The following ABCA13 variants were observed in gnomAD, a reference collection of about 807,000 sequenced individuals.
ABCA13 encodes ATP binding cassette subfamily A member 13, also known as ATP-binding cassette sub-family A member 13.
ABCA13 carries 476 observed loss-of-function variants against 478.7 expected under a neutral mutation model. The observed-to-expected ratio is 0.99, with a 90% CI of 0.92 to 1.07. The LOEUF (loss-of-function observed/expected upper bound fraction) is 1.07, where lower values mean the gene tolerates loss of function less well. Ranked by LOEUF, ABCA13 falls within the 50% of genes least tolerant of loss-of-function variation. The probability of loss-of-function intolerance (pLI) is 0.00; values close to 1 mark genes in which losing one functional copy is unlikely to be tolerated. For synonymous variants in ABCA13, 2,252 were observed against 2,158.9 expected, an observed-to-expected ratio of 1.04 and a Z score of -1.20; for missense variants, 6,060 against 5,910.6, an observed-to-expected ratio of 1.03 and a Z score of -0.83.
intron 50 of ABCA13, 90 bp downstream of exon 50, chr7:48,508,139 T>G: frequency 2.6e-6 from 4 of 1,540,208 alleles, no homozygotes; most frequent in Non-Finnish European, 2.7e-6. Flanking sequence ...ATTGGGGCCC[T>G]GGCTGCCTTG....
Position 48,313,139 on chromosome 7 carries a change from C to G in ABCA13, c.9589C>G (p.Leu3197Val), listed in dbSNP as rs763268695. 6.2e-7 allele frequency: 1 copy of G among 1,613,124 alleles called. No homozygotes were observed. Among genetic ancestry groups the G allele is most frequent in the South Asian group, 1.1e-5 (1 of 90,828 alleles). ...LDIVSSLSAL[L>V]AKAQHVFEYL... is the part of the protein sequence containing the mutation. ...TATAGTTTCCAGCCTCAGCGCCTTGCTTGCCAAAGCCCAGCACGTCTTTGA... is the reference window on the plus strand; with the variant it reads ...TATAGTTTCCAGCCTCAGCGCCTTGGTTGCCAAAGCCCAGCACGTCTTTGA... The change falls in exon 25 of 62, where the codon CTT becomes GTT. Residue 3197 changes from leucine to valine, a missense_variant. Leu to Val is a conservative substitution (Grantham distance 32). This residue lies in a region of ABCA13 where 4,423 missense variants were observed against 4,309.1 expected (regional missense o/e 1.03). Transcript: ENST00000435803.
intron 58 of ABCA13, among the ~76,000 whole-genome samples, chr7:48,607,392 C>T (rs1322845891): frequency 6.8e-6 from 1 of 147,800 alleles, no homozygotes; most frequent in Non-Finnish European, 1.5e-5. Flanking sequence ...CAACCAGTCT[C>T]AATGAGATGA....
intron 55 of ABCA13, among the ~76,000 whole-genome samples, chr7:48,579,836 C>T (rs549201256): frequency 6.6e-6 from 1 of 152,258 alleles, no homozygotes; most frequent in East Asian, 1.9e-4. Context: ...AGAGTCTCTC[C>T]AGTTCAGAGT....
In ABCA13 at chr7:48,376,113, T is replaced by A. The variant is rs577499984; in HGVS notation, c.11204-328T>A. ...GGGTTCTCAAGGAGACTTTAAAAAA[T>A]TTTTTTGAATGCTTATTTTCCTTAA... On this transcript the variant is annotated intron_variant, in intron 34 of 61. Transcript: ENST00000435803. Among the ~76,000 whole-genome samples, 32 of 152,260 alleles carry A rather than the reference T, an allele frequency of 2.1e-4. No homozygotes were observed. In the East Asian group the frequency reaches 3.7e-3, roughly 17 times the overall value.
At position 48,552,039 on chromosome 7, in the gene ABCA13, T is replaced by C. The variant is rs1785374200; in HGVS notation, c.14354+23694T>C. ...ACCCATTAAACTCCTTGTCAAATCA[T>C]CAAGGCTTAGTAGTATTTTCATTTG... On this transcript the variant is annotated intron_variant, in intron 55 of 61. Coordinates refer to ENST00000435803, the MANE Select transcript of ABCA13 (RefSeq NM_152701.5). Among the ~76,000 whole-genome samples, 5 of 151,906 alleles carry C rather than the reference T, an allele frequency of 3.3e-5. No homozygotes were observed. In the South Asian group the frequency reaches 1.0e-3, roughly 31 times the overall value.
In ABCA13 at chr7:48,594,795, C is replaced by A. The variant is rs142771782; in HGVS notation, c.14726C>A (p.Ala4909Glu). Residue 4909 changes from alanine to glutamate, a missense_variant, in exon 58 of 62, where the codon GCG (alanine) becomes GAG (glutamate). Transcript: ENST00000435803. ...IMKEVREGCA[A>E]VLTSHSMEEC... ...AAGGAGGTTCGGGAAGGCTGTGCTG[C>A]GGTGCTGACCTCCCACAGGTGAGTT... 1 of 1,613,816 alleles carries A rather than the reference C, an allele frequency of 6.2e-7. No homozygotes were observed. The highest frequency in any genetic ancestry group is 1.7e-5 in the Admixed American group (1 of 60,012).
chr7:48,314,009 G>A (rs1045876702), intron 25 of ABCA13, among the ~76,000 whole-genome samples: 2 of 151,510 alleles, frequency 1.3e-5, no homozygotes, highest in African/African-American at 4.9e-5. Context: ...GTGTGTGTAG[G>A]TATGACATTT....
At position 48,272,045 on chromosome 7, in the gene ABCA13, C is replaced by CT; in HGVS notation, c.2381dup (p.Leu794PhefsTer36). The CT allele has an allele frequency of 6.2e-7, 1 of 1,613,714 alleles. No individual in the cohort carries two copies. The highest frequency in any genetic ancestry group is 8.5e-7 in the Non-Finnish European group (1 of 1,179,752). ...CATCTGCCACTGATGCTCAGAAACT[C>CT]TTGGAATTTGGCAACGAAGTGATTT... On this transcript the variant is annotated frameshift_variant, in exon 17 of 62. Transcript: ENST00000435803. LOFTEE classifies it high-confidence loss of function.
intron 58 of ABCA13, among the ~76,000 whole-genome samples, chr7:48,599,335 G>C (rs2131467981): frequency 6.7e-6 from 1 of 150,202 alleles, no homozygotes; most frequent in African/African-American, 2.4e-5. Context: ...TTTTAAATTT[G>C]TTATGACTTT....
At chr7:48,177,823 T>A (rs1032494136) in intron 1 of ABCA13, among the ~76,000 whole-genome samples, 3 of 152,208 alleles carry the variant, frequency 2.0e-5, no homozygotes, top group Non-Finnish European at 4.4e-5. Context: ...TTCCTACTTG[T>A]CATTAAATCG....
chr7:48,604,260 T>C (rs1791225519), intron 58 of ABCA13, among the ~76,000 whole-genome samples: 1 of 152,222 alleles, frequency 6.6e-6, no homozygotes, highest in African/African-American at 2.4e-5. Context: ...AGTTATTTAT[T>C]GTCTTCTGCT....
rs1213871528 is a variant in ABCA13, at chr7:48,272,605, G to A, written c.2939G>A (p.Ser980Asn). 6.2e-7 allele frequency: 1 copy of A among 1,613,194 alleles called. No homozygotes were observed. The highest frequency in any genetic ancestry group is 1.1e-5 in the South Asian group (1 of 91,034). ...RYIYELLNIQ[S>N]RGSSLTFLTQ... ...ATTTATGAATTATTGAATATTCAGA[G>A]TAGAGGCTCTTCGTTGACTTTCCTT... Residue 980 changes from serine to asparagine, a missense_variant, in exon 17 of 62, where the codon AGT becomes AAT. This residue lies in a region of ABCA13 where 4,423 missense variants were observed against 4,309.1 expected (regional missense o/e 1.03). Coordinates refer to ENST00000435803, the MANE Select transcript of ABCA13 (RefSeq NM_152701.5).
At chr7:48,319,906 G>A (rs1038454918) in intron 27 of ABCA13, among the ~76,000 whole-genome samples, 1 of 152,084 alleles carries the variant, frequency 6.6e-6, no homozygotes. Context: ...AATTACCCAC[G>A]GACCCTTAGT....
In ABCA13 at chr7:48,458,178, T is replaced by C. The variant is rs530695665; in HGVS notation, c.12815+2892T>C. Among the ~76,000 whole-genome samples the C allele has an allele frequency of 7.2e-5, 11 of 152,356 alleles. No homozygotes were observed. In the South Asian group the frequency reaches 2.3e-3, roughly 32 times the overall value. On this transcript the variant is annotated intron_variant, in intron 43 of 61. Coordinates refer to ENST00000435803, the MANE Select transcript of ABCA13 (RefSeq NM_152701.5). The stretch of plus-strand genomic sequence containing the variant: ...CTCAAAAGTGCCCTCTTATGAGTGA[T>C]AAATGATGTGGCCATTCCTTCGTTA...
rs190287109 is a variant in ABCA13 at position 48,205,522 on chromosome 7, A to G, written c.287+7162A>G. 7.5e-3 allele frequency among the ~76,000 whole-genome samples: 1,144 copies of G among 152,328 alleles called. 8 individuals are homozygous for G. Among genetic ancestry groups the G allele is most frequent in the Non-Finnish European group, 0.011 (769 of 68,040 alleles). ...TACTGTAGCTTTCTAATGTCTTGAT[A>G]TCTGAAGGAGTAAATGTCTCTATCT... On this transcript the variant is annotated intron_variant, in intron 3 of 61. Coordinates refer to ENST00000435803, the MANE Select transcript of ABCA13 (RefSeq NM_152701.5).
chr7:48,525,379 T>C (rs1008070643), intron 54 of ABCA13, among the ~76,000 whole-genome samples: 2 of 152,112 alleles, frequency 1.3e-5, no homozygotes, highest in African/African-American at 4.8e-5. Context: ...TACCTCTCCA[T>C]AGTAGTTTGA....
In ABCA13 at chr7:48,288,051, G is replaced by A; in HGVS notation, c.8928G>A (p.Gly2976=). 1.9e-6 allele frequency: 3 copies of A among 1,613,940 alleles called. No individual in the cohort carries two copies. Among genetic ancestry groups the A allele is most frequent in the South Asian group, 1.1e-5 (1 of 91,076 alleles). The change falls in exon 20 of 62, where the codon GGG becomes GGA. Residue 2976 remains glycine, a synonymous_variant. Coordinates refer to ENST00000435803, the MANE Select transcript of ABCA13 (RefSeq NM_152701.5). The stretch of plus-strand genomic sequence containing the variant: ...ATCTCATTTTATCTGCTATACAAGG[G>A]GTCACTTTGGCGCAGGACCACTTCC... ...IRHLILSAIQ[G]VTLAQDHFQE... is the part of the protein sequence containing the mutation.
chr7:48,246,425 A>G lies in ABCA13; in HGVS notation c.1659+395A>G, dbSNP rs549940766. ...AAGCTTTAAAAGTCATATTCCTCTCATGTAACTGCCCAGGACAATGGGCTA... is the reference window on the plus strand; with the variant it reads ...AAGCTTTAAAAGTCATATTCCTCTCGTGTAACTGCCCAGGACAATGGGCTA... On this transcript the variant is annotated intron_variant, in intron 13 of 61. Coordinates refer to ENST00000435803, the MANE Select transcript of ABCA13 (RefSeq NM_152701.5). Among the ~76,000 whole-genome samples, 3 of 152,260 alleles carry G rather than the reference A, an allele frequency of 2.0e-5. No homozygotes were observed. The East Asian group carries it at 5.8e-4, about 29-fold the overall frequency.
intron 1 of ABCA13, among the ~76,000 whole-genome samples, chr7:48,172,897 T>C (rs2128842647): frequency 6.6e-6 from 1 of 151,392 alleles, no homozygotes; most frequent in South Asian, 2.1e-4. Context: ...TGTTCGTGTC[T>C]GTGTAGGTAG....
Sources: gnomAD v4.1 joint callset for allele counts (sites outside exome capture counted in the v4.1 genomes callset) on GRCh38, gnomAD v4.1.1 for gene constraint, gnomAD v4.1.1 regional missense constraint, MANE v1.5 for transcripts, NCBI Gene and HGNC (gene_info 2026-07-23, HGNC 2026-07-21) for gene names.